DNAAF9: variants seen among roughly 807,000 people sequenced by gnomAD.
The protein encoded by DNAAF9 is shulin.
Under a neutral mutation model 167.0 loss-of-function variants are expected in DNAAF9, and 90 were observed. The observed-to-expected ratio is 0.54, with a 90% CI of 0.45 to 0.64. The LOEUF (loss-of-function observed/expected upper bound fraction) is 0.64, where lower values mean the gene tolerates loss of function less well. Ranked by LOEUF, DNAAF9 falls within the 30% of genes least tolerant of loss-of-function variation. The probability of loss-of-function intolerance (pLI) is 0.00; values close to 1 mark genes in which losing one functional copy is unlikely to be tolerated. For missense variants in DNAAF9, 1,315 were observed against 1,442.2 expected, an observed-to-expected ratio of 0.91 and a Z score of 1.43; for synonymous variants, 491 against 508.8, an observed-to-expected ratio of 0.96 and a Z score of 0.47.
At position 3,315,688 on chromosome 20, in the gene DNAAF9, T is replaced by C; in HGVS notation, c.1590+47A>G. On this transcript the variant is annotated intron_variant, in intron 19 of 36. Coordinates refer to ENST00000252032, the MANE Select transcript of DNAAF9 (RefSeq NM_001009984.3). The surrounding 1 kb of genome is among the most constrained non-coding windows in gnomAD (Gnocchi z 4.1). ...TTAATACCTTTATGAATTGCTTACA[T>C]TATTTTTTGATATAATGTTCACACT... The C allele has an allele frequency of 6.9e-7, 1 of 1,452,388 alleles. No homozygotes were observed. The highest frequency in any genetic ancestry group is 9.7e-7 in the Non-Finnish European group (1 of 1,032,380). 90.0% of individuals were successfully genotyped at this position (1,452,388 alleles called of 1,614,324 possible).
Position 3,340,451 on chromosome 20 carries a change from C to CCCCCCCCA in DNAAF9, c.981+52_981+53insTGGGGGGG. On this transcript the variant is annotated intron_variant, in intron 10 of 36. Transcript: ENST00000252032. ...GTCTAGCTCCCCCCACCCACCCCAC[C>CCCCCCCCA]CCCACAACTTGATAATAAAACTAAT... The CCCCCCCCA allele has an allele frequency of 5.4e-6, 4 of 743,596 alleles. No homozygotes were observed. In the South Asian group the frequency reaches 1.1e-4, roughly 20 times the overall value. The allele number at this position is 743,596 out of a possible 1,614,324, so 46.1% of individuals were successfully genotyped here.
At chr20:3,300,937 G>A (rs2069174705) in intron 21 of DNAAF9, among the ~76,000 whole-genome samples, 1 of 150,640 alleles carries the variant, frequency 6.6e-6, no homozygotes, top group Non-Finnish European at 1.5e-5. Flanking sequence ...AAATACAACA[G>A]AGAAGAAAGT....
At chr20:3,326,052 T>C (rs1248756044) in intron 13 of DNAAF9, 145 bp downstream of exon 13, 1 of 630,220 alleles carries the variant, frequency 1.6e-6, no homozygotes, top group East Asian at 2.8e-5. Flanking sequence ...CTCAGTGCTC[T>C]CAGGGCTTCT....
chr20:3,255,886 G>A (rs1368605003), intron 34 of DNAAF9, 120 bp downstream of exon 34: 1 of 730,792 alleles, frequency 1.4e-6, no homozygotes, highest in African/African-American at 1.7e-5. Context: ...GGCTGGGCCA[G>A]GGAGAGGAAG....
At chr20:3,257,276 C>T (rs1177650061) in intron 33 of DNAAF9, among the ~76,000 whole-genome samples, 6 of 151,272 alleles carry the variant, frequency 4.0e-5, no homozygotes, top group Non-Finnish European at 8.9e-5. Context: ...TTTGGGAGGC[C>T]GAGGCAGGAG....
chr20:3,311,903 A>G (rs1272569621), intron 20 of DNAAF9, among the ~76,000 whole-genome samples: 1 of 152,240 alleles, frequency 6.6e-6, no homozygotes, highest in Non-Finnish European at 1.5e-5. Flanking sequence ...ATCTTGTGAT[A>G]GCAGACACCA....
chr20:3,328,222 C>T (rs2069752019), intron 12 of DNAAF9, among the ~76,000 whole-genome samples: 1 of 125,494 alleles, frequency 8.0e-6, no homozygotes, highest in Admixed American at 8.0e-5. Flanking sequence ...TGCTCTGTCA[C>T]CCAGGCTAGA....
intron 1 of DNAAF9, 75 bp downstream of exon 1, chr20:3,407,400 G>A: frequency 8.7e-7 from 1 of 1,154,220 alleles, no homozygotes; most frequent in Non-Finnish European, 1.1e-6. Flanking sequence ...ACGCCCTGCG[G>A]CGGGAGGCGT....
chr20:3,310,626 A>G (rs1372332238), intron 20 of DNAAF9, among the ~76,000 whole-genome samples: 4 of 151,942 alleles, frequency 2.6e-5, no homozygotes, highest in African/African-American at 7.3e-5. Flanking sequence ...TAGAGGCTGC[A>G]GTGAGCTGAG....
At chr20:3,291,078 C>T (rs1012736389) in intron 25 of DNAAF9, among the ~76,000 whole-genome samples, 5 of 152,198 alleles carry the variant, frequency 3.3e-5, no homozygotes, top group East Asian at 1.9e-4. Flanking sequence ...CGTGAGCCAC[C>T]GCACCTGGCC....
chr20:3,308,676 A>C (rs975918936), intron 20 of DNAAF9, among the ~76,000 whole-genome samples: 2 of 150,642 alleles, frequency 1.3e-5, no homozygotes, highest in African/African-American at 4.9e-5. Flanking sequence ...CCCTCCAGCC[A>C]GGTGCGGTGG....
chr20:3,379,176 T>C lies in DNAAF9; in HGVS notation c.283+2203A>G, dbSNP rs116263722. Among the ~76,000 whole-genome samples, 422 of 152,014 alleles carry C rather than the reference T, an allele frequency of 2.8e-3. 1 individual carries two copies. Among genetic ancestry groups the C allele is most frequent in the African/African-American group, 9.5e-3 (396 of 41,562 alleles). ...TTAGGATCCCGTAAGAGACATAACATAGTAGTTACTAAACCTAAAGTAAGC... is the reference window on the plus strand; with the variant it reads ...TTAGGATCCCGTAAGAGACATAACACAGTAGTTACTAAACCTAAAGTAAGC... On this transcript the variant is annotated intron_variant, in intron 3 of 36. Coordinates refer to ENST00000252032, the MANE Select transcript of DNAAF9 (RefSeq NM_001009984.3).
intron 3 of DNAAF9, among the ~76,000 whole-genome samples, chr20:3,376,914 C>T (rs769579455): frequency 3.3e-5 from 5 of 151,950 alleles, no homozygotes; most frequent in Non-Finnish European, 7.4e-5. Flanking sequence ...AACAAAAACA[C>T]AAAAATTAGC....
Position 3,348,559 on chromosome 20 carries a change from A to G in DNAAF9, c.755T>C (p.Phe252Ser). Residue 252 changes from phenylalanine to serine, a missense_variant, in exon 8 of 37, where the codon TTC (phenylalanine) becomes TCC (serine). Phe to Ser is a radical substitution (Grantham distance 155, BLOSUM62 -2). Coordinates refer to ENST00000252032, the MANE Select transcript of DNAAF9 (RefSeq NM_001009984.3). ...CTGAGATTCTGAAAGTTCTAGCAGG[A>G]AAGGAATTTCTGTGTCAAAATTAGC... ...FFANFDTEIP[F>S]LLELSESQAG... is the part of the protein sequence containing the mutation. The G allele has an allele frequency of 6.2e-7, 1 of 1,603,648 alleles. No homozygotes were observed. Among genetic ancestry groups the G allele is most frequent in the Non-Finnish European group, 8.5e-7 (1 of 1,173,500 alleles).
At position 3,284,055 on chromosome 20, in the gene DNAAF9, G is replaced by C. The variant is rs577002063; in HGVS notation, c.2487-2289C>G. Among the ~76,000 whole-genome samples the C allele has an allele frequency of 5.3e-5, 8 of 152,192 alleles. No homozygotes were observed. In the East Asian group the frequency reaches 1.5e-3, roughly 29 times the overall value. On this transcript the variant is annotated intron_variant, in intron 27 of 36. Coordinates refer to ENST00000252032, the MANE Select transcript of DNAAF9 (RefSeq NM_001009984.3). ...CCAGGCCATTCACTCTATCCATTAG[G>C]GGAATCCCTGTTAGAACCTCCCTCC...
In DNAAF9 at chr20:3,294,160, A is replaced by C; in HGVS notation, c.2217T>G (p.Thr739=). ...CTACCTTGTCACTTTCTATTCTGTG[A>C]GTAGTGTTGATTTCAGCTTGCTGCA... ...VLLQQAEINT[T]HRIESDKVII... Residue 739 remains threonine, a synonymous_variant, in exon 25 of 37, where the codon ACT becomes ACG. Coordinates refer to ENST00000252032, the MANE Select transcript of DNAAF9 (RefSeq NM_001009984.3). 1 of 1,595,688 alleles carries C rather than the reference A, an allele frequency of 6.3e-7. No homozygotes were observed. Among genetic ancestry groups the C allele is most frequent in the South Asian group, 1.1e-5 (1 of 90,712 alleles).
In DNAAF9 at chr20:3,339,726, C is replaced by T. The variant is rs575144409; in HGVS notation, c.981+778G>A. On this transcript the variant is annotated intron_variant, in intron 10 of 36. Transcript: ENST00000252032. Reference sequence around the variant, plus strand: ...AAAAGTGTTTCTTAGCTATTTCCCCCTCTCCTAGGGAAGACAGGAAGCCTA... The same window carrying T: ...AAAAGTGTTTCTTAGCTATTTCCCCTTCTCCTAGGGAAGACAGGAAGCCTA... Among the ~76,000 whole-genome samples the T allele has an allele frequency of 3.3e-5, 5 of 152,298 alleles. No individual in the cohort carries two copies. In the East Asian group the frequency reaches 9.6e-4, roughly 29 times the overall value.
rs1178750984 is a variant in DNAAF9, at chr20:3,336,252, G to GTTTTTTTTTTTTTTTT, written c.982-3892_982-3891insAAAAAAAAAAAAAAAA. ...TGATTTTGCAGATTCACAGTTTTGC[G>GTTTTTTTTTTTTTTTT]TTTTTGTTTTTTTTTTTTTTTTTGC... On this transcript the variant is annotated intron_variant, in intron 10 of 36. Coordinates refer to ENST00000252032, the MANE Select transcript of DNAAF9 (RefSeq NM_001009984.3). 5.2e-4 allele frequency among the ~76,000 whole-genome samples: 42 copies of GTTTTTTTTTTTTTTTT among 81,406 alleles called. 1 individual carries two copies. The highest frequency in any genetic ancestry group is 6.7e-4 in the East Asian group (2 of 2,986). 53.4% of individuals were successfully genotyped at this position (81,406 alleles called of 152,430 possible). A position where few individuals can be genotyped will look rare whatever the true frequency, so the allele number is the denominator to read the frequency against.
chr20:3,395,275 ATTTTC>A (rs1457070036), intron 1 of DNAAF9, among the ~76,000 whole-genome samples: 6 of 135,794 alleles, frequency 4.4e-5, no homozygotes, highest in Non-Finnish European at 7.9e-5. Flanking sequence ...CTGGCCGAAC[ATTTTC>A]TTTTTTCTTT....
Sources: gnomAD v4.1 joint callset for allele counts (sites outside exome capture counted in the v4.1 genomes callset) on GRCh38, gnomAD v4.1.1 for gene constraint, Gnocchi (gnomAD v3.1) non-coding constraint, MANE v1.5 for transcripts, NCBI Gene and HGNC (gene_info 2026-07-23, HGNC 2026-07-21) for gene names.